The following SMG6 variants were observed in gnomAD, a reference collection of about 807,000 sequenced individuals.
The protein encoded by SMG6 is SMG6 nonsense mediated mRNA decay factor.
SMG6 carries 66 observed loss-of-function variants against 142.2 expected under a neutral mutation model. That is an observed-to-expected ratio of 0.46 (90% CI 0.38 to 0.57). The LOEUF is 0.57. Ranked by LOEUF, SMG6 falls within the 20% of genes least tolerant of loss-of-function variation. The pLI is 0.00. For missense variants in SMG6, 1,793 were observed against 1,832.0 expected, an observed-to-expected ratio of 0.98 and a Z score of 0.39; for synonymous variants, 779 against 702.4, an observed-to-expected ratio of 1.11 and a Z score of -1.72.
intron 10 of SMG6, among the ~76,000 whole-genome samples, chr17:2,233,980 T>A (rs1195763580): frequency 1.3e-5 from 2 of 152,188 alleles, no homozygotes. Flanking sequence ...TTGGAGCCTC[T>A]GAACACCTCA....
At position 2,081,707 on chromosome 17, in the gene SMG6, C is replaced by T. The variant is rs531717273; in HGVS notation, c.3681+103G>A. On this transcript the variant is annotated intron_variant, in intron 15 of 18. Transcript: ENST00000263073. ...GCTAGAGAGAACACTGCAGGACTGACTCACTCTTAGTGTCCTGCTCAGCTC... is the reference window on the plus strand; with the variant it reads ...GCTAGAGAGAACACTGCAGGACTGATTCACTCTTAGTGTCCTGCTCAGCTC... 2.8e-5 allele frequency: 37 copies of T among 1,344,020 alleles called. No individual in the cohort carries two copies. In the African/African-American group the frequency reaches 5.0e-4, roughly 18 times the overall value. The allele number at this position is 1,344,020 out of a possible 1,614,324, so 83.3% of individuals were successfully genotyped here.
At chr17:2,293,014 A>G (rs756369171) in intron 4 of SMG6, 37 bp from the exon 5 acceptor site, 2 of 1,435,036 alleles carry the variant, frequency 1.4e-6, no homozygotes, top group African/African-American at 2.8e-5. Context: ...AAAAGCCAAG[A>G]AACACTAACT....
chr17:2,165,600 C>G (rs2071312380), intron 13 of SMG6, among the ~76,000 whole-genome samples: 1 of 152,144 alleles, frequency 6.6e-6, no homozygotes, highest in South Asian at 2.1e-4. Flanking sequence ...TAGGGATATT[C>G]AATGTGTACA....
intron 8 of SMG6, among the ~76,000 whole-genome samples, chr17:2,278,901 C>T (rs181791949): frequency 6.6e-5 from 10 of 152,314 alleles, no homozygotes; most frequent in Admixed American, 5.2e-4. Flanking sequence ...GCTATCTTCT[C>T]TAGCCTCATC....
intron 10 of SMG6, among the ~76,000 whole-genome samples, chr17:2,231,509 A>G (rs1432035502): frequency 2.6e-5 from 4 of 152,198 alleles, no homozygotes; most frequent in Admixed American, 6.5e-5. Context: ...CAGCCTGGCC[A>G]ACATGGTGAA....
At chr17:2,221,607 G>A (rs966852740) in intron 10 of SMG6, among the ~76,000 whole-genome samples, 1 of 152,208 alleles carries the variant, frequency 6.6e-6, no homozygotes, top group Non-Finnish European at 1.5e-5. Flanking sequence ...TGTAAAATAT[G>A]CATTTGGAAA....
chr17:2,148,602 T>A (rs997886017), intron 13 of SMG6, among the ~76,000 whole-genome samples: 4 of 152,194 alleles, frequency 2.6e-5, no homozygotes, highest in African/African-American at 7.2e-5. Context: ...CTCATACTTG[T>A]AATCCCAACA....
chr17:2,062,897 A>C (rs533906380), intron 18 of SMG6: 2 of 152,444 alleles, frequency 1.3e-5, no homozygotes, highest in South Asian at 4.1e-4. Context: ...GGTGGTGGCG[A>C]GAGAAGAGGA....
At chr17:2,298,535 T>C (rs918153923) in intron 2 of SMG6, among the ~76,000 whole-genome samples, 9 of 151,804 alleles carry the variant, frequency 5.9e-5, no homozygotes, top group East Asian at 1.9e-4. Flanking sequence ...CTGGCTAACA[T>C]GGTGAAACTC....
intron 4 of SMG6, among the ~76,000 whole-genome samples, chr17:2,296,237 C>T (rs2075140018): frequency 6.6e-6 from 1 of 152,212 alleles, no homozygotes. Context: ...TAGCCCCCTC[C>T]ACACTACAAA....
chr17:2,068,701 C>A lies in SMG6; in HGVS notation c.3835+77G>T. 1 of 1,486,576 alleles carries A rather than the reference C, an allele frequency of 6.7e-7. No homozygotes were observed. The highest frequency in any genetic ancestry group is 9.1e-7 in the Non-Finnish European group (1 of 1,093,628). The allele number at this position is 1,486,576 out of a possible 1,614,324, so 92.1% of individuals were successfully genotyped here. ...GCACAGCAGGGCTCTGCCTGCCTGGCCCCCAGGCCGTGGGGCGTGTGTGGA... is the reference window on the plus strand; with the variant it reads ...GCACAGCAGGGCTCTGCCTGCCTGGACCCCAGGCCGTGGGGCGTGTGTGGA... On this transcript the variant is annotated intron_variant, in intron 16 of 18. Transcript: ENST00000263073. The surrounding 1 kb of genome is among the most constrained non-coding windows in gnomAD (Gnocchi z 6.7).
At chr17:2,188,097 T>G (rs2072047032) in intron 11 of SMG6, among the ~76,000 whole-genome samples, 1 of 151,934 alleles carries the variant, frequency 6.6e-6, no homozygotes, top group Non-Finnish European at 1.5e-5. Flanking sequence ...GAAACTAACT[T>G]TTCTGGTTTC....
chr17:2,149,881 C>G (rs1037655594), intron 13 of SMG6, among the ~76,000 whole-genome samples: 8 of 152,168 alleles, frequency 5.3e-5, no homozygotes, highest in Non-Finnish European at 1.2e-4. Flanking sequence ...ATGTTTCCAC[C>G]GGGAGGGTCC....
chr17:2,231,465 A>G (rs2073491088), intron 10 of SMG6, among the ~76,000 whole-genome samples: 1 of 152,142 alleles, frequency 6.6e-6, no homozygotes, highest in African/African-American at 2.4e-5. Flanking sequence ...TGGGAGGCCG[A>G]GGCGGACGGA....
At chr17:2,069,605 A>AAAC (rs761262255) in intron 15 of SMG6, among the ~76,000 whole-genome samples, 1 of 152,174 alleles carries the variant, frequency 6.6e-6, no homozygotes, top group African/African-American at 2.4e-5. Context: ...CAAAAAACAA[A>AAAC]AACAACAACA....
rs61739501 is a variant in SMG6 at position 2,299,931 on chromosome 17, C to T, written c.822G>A (p.Thr274=). The change falls in exon 2 of 19, where the codon ACG becomes ACA. Residue 274 remains threonine (T), a synonymous_variant. Coordinates refer to ENST00000263073, the MANE Select transcript of SMG6 (RefSeq NM_017575.5). The surrounding 1 kb of genome is among the most constrained non-coding windows in gnomAD (Gnocchi z 4.3). ...GTCGGCGGCGGCGACATCCATTATC[C>T]GTCAGGCCAGCTCCCTCAGCGCTGT... ...SNNSAEGAGL[T]DNGCRRRRQD... is the part of the protein sequence containing the mutation. 2.2e-3 allele frequency: 3,534 copies of T among 1,614,144 alleles called. 90 individuals carry two copies. In the African/African-American group the frequency reaches 0.042, roughly 19 times the overall value.
At chr17:2,190,463 C>G (rs2072125114) in intron 10 of SMG6, among the ~76,000 whole-genome samples, 1 of 152,184 alleles carries the variant, frequency 6.6e-6, no homozygotes, top group Non-Finnish European at 1.5e-5. Context: ...AGGGATAAGA[C>G]AGGGGAGGTT....
intron 10 of SMG6, among the ~76,000 whole-genome samples, chr17:2,230,616 G>T (rs2073462030): frequency 6.6e-6 from 1 of 152,116 alleles, no homozygotes; most frequent in South Asian, 2.1e-4. Flanking sequence ...CCCAGAAGTG[G>T]AAAGACAGGT....
chr17:2,218,331 C>T lies in SMG6; in HGVS notation c.2869+18161G>A, dbSNP rs150698660. 1.6e-3 allele frequency among the ~76,000 whole-genome samples: 245 copies of T among 152,226 alleles called. 1 individual carries two copies. The highest frequency in any genetic ancestry group is 5.6e-3 in the African/African-American group (232 of 41,524). On this transcript the variant is annotated intron_variant, in intron 10 of 18. Transcript: ENST00000263073. ...TTGGGAGGCTGAGGTGGGCAGATCA[C>T]GAGGCCAGGAGATCGAGACCATCCT...
Sources: allele counts gnomAD v4.1 joint callset (sites outside exome capture counted in the v4.1 genomes callset), GRCh38; gene constraint gnomAD v4.1.1; non-coding constraint Gnocchi (gnomAD v3.1); transcripts MANE v1.5; gene names NCBI Gene and HGNC (gene_info 2026-07-23, HGNC 2026-07-21).